The following KCNMB2 variants were observed in gnomAD, a reference collection of about 807,000 sequenced individuals.
KCNMB2 encodes the protein potassium calcium-activated channel subfamily M regulatory beta subunit 2.
Under a neutral mutation model 24.5 loss-of-function variants are expected in KCNMB2, and 9 were observed. The observed-to-expected ratio is 0.37, with a 90% CI of 0.22 to 0.64. The LOEUF is 0.64. KCNMB2 is among the 30% of genes least tolerant of loss of function. The pLI is 0.63. For synonymous variants in KCNMB2, 109 were observed against 104.4 expected (o/e 1.04, Z -0.27); for missense variants, 226 against 284.3 (o/e 0.79, Z 1.47).
At chr3:178,759,335 CTCCAAGAGGATATAT>C (rs1711576637) in intron 1 of KCNMB2, among the ~76,000 whole-genome samples, 6 of 82,992 alleles carry the variant, frequency 7.2e-5, no homozygotes, top group Admixed American at 5.2e-4. Context: ...ATATATATAT[CTCCAAGAGGATATAT>C]ATATATATAT....
intron 1 of KCNMB2, among the ~76,000 whole-genome samples, chr3:178,681,733 C>A (rs1428270586): frequency 6.6e-6 from 1 of 152,192 alleles, no homozygotes; most frequent in South Asian, 2.1e-4. Flanking sequence ...GATTCAGAGG[C>A]ATACTTCTTG....
At chr3:178,821,062 A>C (rs185891376) in intron 2 of KCNMB2, among the ~76,000 whole-genome samples, 1 of 152,300 alleles carries the variant, frequency 6.6e-6, no homozygotes, top group East Asian at 1.9e-4. Context: ...GTCAAAACTG[A>C]ATTTGTAGTC....
intron 2 of KCNMB2, among the ~76,000 whole-genome samples, chr3:178,817,592 CAT>C (rs1714459867): frequency 6.6e-6 from 1 of 152,128 alleles, no homozygotes; most frequent in African/African-American, 2.4e-5. Flanking sequence ...TCCATTGCCT[CAT>C]AGGTACACCT....
chr3:178,549,204 A>T (rs1715865260), intron 1 of KCNMB2, among the ~76,000 whole-genome samples: 1 of 152,188 alleles, frequency 6.6e-6, no homozygotes, highest in Admixed American at 6.5e-5. Context: ...TATTAGCATG[A>T]AGAGAGAGAA....
At chr3:178,692,876 C>A (rs939311516) in intron 1 of KCNMB2, among the ~76,000 whole-genome samples, 1 of 152,082 alleles carries the variant, frequency 6.6e-6, no homozygotes. Flanking sequence ...TATTCATATC[C>A]ACGAGCATGG....
intron 1 of KCNMB2, among the ~76,000 whole-genome samples, chr3:178,677,756 C>T (rs1369110631): frequency 6.6e-6 from 1 of 152,136 alleles, no homozygotes; most frequent in Non-Finnish European, 1.5e-5. Context: ...TAGCCTCTAA[C>T]AGAGAAAGCA....
intron 1 of KCNMB2, among the ~76,000 whole-genome samples, chr3:178,716,567 C>T (rs946464481): frequency 7.2e-5 from 11 of 151,976 alleles, no homozygotes; most frequent in South Asian, 2.1e-4. Context: ...CCTCAGCTTC[C>T]GGAGTAGCTG....
intron 2 of KCNMB2, among the ~76,000 whole-genome samples, chr3:178,814,886 A>G (rs1714342436): frequency 6.6e-6 from 1 of 152,112 alleles, no homozygotes. Context: ...TGTCAGGTGC[A>G]GAGCTTGCAA....
chr3:178,556,581 ATTTT>A (rs976254652), intron 1 of KCNMB2, among the ~76,000 whole-genome samples: 2 of 151,922 alleles, frequency 1.3e-5, no homozygotes, highest in Non-Finnish European at 2.9e-5. Context: ...ATTTTTTTGT[ATTTT>A]TAGTAGAGAT....
chr3:178,547,343 A>G (rs1397784442), intron 1 of KCNMB2, among the ~76,000 whole-genome samples: 1 of 152,254 alleles, frequency 6.6e-6, no homozygotes, highest in Non-Finnish European at 1.5e-5. Context: ...AAGACAGAAA[A>G]TCACTTCATA....
rs28568601 is a variant in KCNMB2, at chr3:178,662,080, C to A, written c.-68+125369C>A. On this transcript the variant is annotated intron_variant, in intron 1 of 4. Coordinates refer to ENST00000452583, the MANE Select transcript of KCNMB2 (RefSeq NM_181361.3). ...TATGACTAAGGCCACACAGAATATT[C>A]CATAGGTACTAACTCTAGATGTGAA... is the stretch of plus-strand genomic sequence containing the variant. Among the ~76,000 whole-genome samples the A allele has an allele frequency of 5.3e-3, 800 of 152,254 alleles. 1 individual carries two copies. The highest frequency in any genetic ancestry group is 0.018 in the African/African-American group (757 of 41,540).
chr3:178,833,035 A>T lies in KCNMB2; in HGVS notation c.423+4662A>T, dbSNP rs1226946672. Among the ~76,000 whole-genome samples the T allele has an allele frequency of 2.6e-4, 6 of 23,226 alleles. 2 individuals carry two copies. In the African/African-American group the frequency reaches 5.2e-3, roughly 20 times the overall value. The allele number at this position is 23,226 out of a possible 152,430, so 15.2% of individuals were successfully genotyped here. A position where few individuals can be genotyped will look rare whatever the true frequency, so the allele number is the denominator to read the frequency against. ...AACTTCAATACTAGGATAATGTTAC[A>T]ATGTCATCTTTTCCAAAAATTATTT... On this transcript the variant is annotated intron_variant, in intron 4 of 4. Transcript: ENST00000452583.
intron 1 of KCNMB2, among the ~76,000 whole-genome samples, chr3:178,752,885 C>A (rs866783437): frequency 2.6e-5 from 4 of 152,264 alleles, no homozygotes; most frequent in Middle Eastern, 3.4e-3. Context: ...AAACTTAATG[C>A]ATAGTCTTTT....
intron 1 of KCNMB2, among the ~76,000 whole-genome samples, chr3:178,701,772 G>A (rs907043010): frequency 2.0e-5 from 3 of 152,126 alleles, no homozygotes; most frequent in African/African-American, 7.2e-5. Flanking sequence ...GAAACAACAG[G>A]TGCTGGAGAG....
intron 1 of KCNMB2, among the ~76,000 whole-genome samples, chr3:178,598,549 T>C (rs1322197442): frequency 2.0e-5 from 3 of 151,430 alleles, no homozygotes; most frequent in African/African-American, 7.3e-5. Flanking sequence ...TACAGTAGAG[T>C]TTATTCATTG....
chr3:178,722,065 A>G (rs1722824505), intron 1 of KCNMB2, among the ~76,000 whole-genome samples: 1 of 152,188 alleles, frequency 6.6e-6, no homozygotes, highest in African/African-American at 2.4e-5. Context: ...ATTTTGATAA[A>G]GTACAATTTA....
intron 1 of KCNMB2, among the ~76,000 whole-genome samples, chr3:178,758,208 C>A (rs368366839): frequency 6.9e-4 from 10 of 14,572 alleles, no homozygotes; most frequent in Non-Finnish European, 1.3e-3. Flanking sequence ...ATATATATAT[C>A]CAAGGGGATA....
intron 1 of KCNMB2, among the ~76,000 whole-genome samples, chr3:178,602,341 C>A (rs928123638): frequency 1.6e-4 from 24 of 152,158 alleles, no homozygotes; most frequent in Middle Eastern, 3.4e-3. Flanking sequence ...TGGTGATTTA[C>A]CTACTATATG....
chr3:178,594,522 A>G (rs1366502211), intron 1 of KCNMB2, among the ~76,000 whole-genome samples: 1 of 152,076 alleles, frequency 6.6e-6, no homozygotes, highest in Non-Finnish European at 1.5e-5. Flanking sequence ...AGGAATTGGA[A>G]AATTGGAGTA....
Sources: gnomAD v4.1 joint callset for allele counts (sites outside exome capture counted in the v4.1 genomes callset) on GRCh38, gnomAD v4.1.1 for gene constraint, MANE v1.5 for transcripts, NCBI Gene and HGNC (gene_info 2026-07-23, HGNC 2026-07-21) for gene names.